ASIP: variants seen among roughly 807,000 people sequenced by gnomAD.
ASIP encodes agouti-signaling protein.
ASIP carries 11 observed loss-of-function variants against 10.3 expected under a neutral mutation model. The ratio of observed to expected loss-of-function variants is 1.07; its 90% CI spans 0.68 to 1.78. ASIP has a LOEUF of 1.78. ASIP is among the 40% of genes most tolerant of loss of function. The probability of loss-of-function intolerance (pLI) is 0.00; values close to 1 mark genes in which losing one functional copy is unlikely to be tolerated. For missense variants in ASIP, 180 were observed against 169.2 expected, an observed-to-expected ratio of 1.06 and a Z score of -0.35; for synonymous variants, 70 against 70.8, an observed-to-expected ratio of 0.99 and a Z score of 0.06.
At chr20:34,214,095 T>A in intron 1 of ASIP, 1 of 1,178,704 alleles carries the variant, frequency 8.5e-7, no homozygotes, top group African/African-American at 1.5e-5. Context: ...AATTTGATCA[T>A]CGCTGCTCAG....
chr20:34,258,193 G>A (rs1167321806), intron 1 of ASIP, among the ~76,000 whole-genome samples: 4 of 151,578 alleles, frequency 2.6e-5, no homozygotes, highest in Non-Finnish European at 4.4e-5. Flanking sequence ...GTGCTCCATC[G>A]GTTAGTAGAT....
upstream of ASIP, among the ~76,000 whole-genome samples, chr20:34,240,565 G>T (rs2035271010): frequency 6.6e-6 from 1 of 152,144 alleles, no homozygotes; most frequent in Non-Finnish European, 1.5e-5. Context: ...GCAAAAAAAG[G>T]TCCCAAAGAG....
At chr20:34,211,641 C>G (rs1350178551) in intron 1 of ASIP, among the ~76,000 whole-genome samples, 1 of 152,054 alleles carries the variant, frequency 6.6e-6, no homozygotes, top group Admixed American at 6.6e-5. Context: ...TTATTTCCAC[C>G]TTCATTTACG....
intron 3 of ASIP, among the ~76,000 whole-genome samples, chr20:34,267,568 G>C (rs557237959): frequency 1.4e-5 from 2 of 147,958 alleles, no homozygotes; most frequent in East Asian, 4.0e-4. Flanking sequence ...TTTTGCTCTT[G>C]TTGCCCAGGC....
intron 1 of ASIP, among the ~76,000 whole-genome samples, chr20:34,257,456 G>T (rs2035593491): frequency 6.6e-6 from 1 of 152,042 alleles, no homozygotes; most frequent in Admixed American, 6.6e-5. Context: ...TTGAAAAATG[G>T]TCTTTTTAGC....
chr20:34,257,186 C>T (rs953407565), intron 1 of ASIP, among the ~76,000 whole-genome samples: 1 of 151,652 alleles, frequency 6.6e-6, no homozygotes, highest in Admixed American at 6.6e-5. Flanking sequence ...TGGGTTCAGG[C>T]GATTCTCCTG....
upstream of ASIP, among the ~76,000 whole-genome samples, chr20:34,193,811 T>C (rs115913212): frequency 6.6e-6 from 1 of 152,344 alleles, no homozygotes; most frequent in African/African-American, 2.4e-5. Flanking sequence ...AATGTGCATG[T>C]TACTCTGTTA....
chr20:34,261,085 A>C (rs2035681426), intron 2 of ASIP, among the ~76,000 whole-genome samples: 1 of 152,248 alleles, frequency 6.6e-6, no homozygotes, highest in Non-Finnish European at 1.5e-5. Flanking sequence ...AGAATTAAGT[A>C]ACTAGCACGG....
chr20:34,261,683 T>G (rs1281941366), intron 2 of ASIP, among the ~76,000 whole-genome samples: 1 of 151,734 alleles, frequency 6.6e-6, no homozygotes, highest in African/African-American at 2.4e-5. Flanking sequence ...ATGCCTATGG[T>G]TCCAGCTATT....
Position 34,247,457 on chromosome 20 carries a change from C to T in ASIP, c.-11+5968C>T, listed in dbSNP as rs140543449. 1.1e-3 allele frequency among the ~76,000 whole-genome samples: 172 copies of T among 151,532 alleles called. 1 individual carries two copies. The highest frequency in any genetic ancestry group is 2.2e-3 in the Non-Finnish European group (147 of 67,848). Reference sequence around the variant, plus strand: ...CTGGGATTACAGGCACATGCCACCACGCCCAGCTAATTTTTGTATTTTTGT... The same window carrying T: ...CTGGGATTACAGGCACATGCCACCATGCCCAGCTAATTTTTGTATTTTTGT... On this transcript the variant is annotated intron_variant, in intron 1 of 3. Transcript: ENST00000374954.
intron 1 of ASIP, among the ~76,000 whole-genome samples, chr20:34,219,978 T>A (rs1247780485): frequency 6.6e-6 from 1 of 151,912 alleles, no homozygotes; most frequent in Non-Finnish European, 1.5e-5. Flanking sequence ...TAGTCCCAGC[T>A]ACTAGGGAGG....
Position 34,262,818 on chromosome 20 carries a change from G to C in ASIP, c.161-14G>C, listed in dbSNP as rs1227432707. On this transcript the variant is annotated splice_polypyrimidine_tract_variant and intron_variant, in intron 2 of 3. Transcript: ENST00000374954. ...AGAAACATCTGACTTTGCTCCTTTTGTCTCTCTTTGAAGCGCTGAACAAGA... is the reference window on the plus strand; with the variant it reads ...AGAAACATCTGACTTTGCTCCTTTTCTCTCTCTTTGAAGCGCTGAACAAGA... 3 of 1,613,694 alleles carry C rather than the reference G, an allele frequency of 1.9e-6. No individual in the cohort carries two copies. In the Admixed American group the frequency reaches 5.0e-5, roughly 27 times the overall value.
rs368554245 is a variant in ASIP, at chr20:34,231,592, TCTGA to T, written c.-10-28769_-10-28766del. Among the ~76,000 whole-genome samples the T allele has an allele frequency of 1.8e-4, 27 of 152,312 alleles. No homozygotes were observed. In the East Asian group the frequency reaches 4.2e-3, roughly 24 times the overall value. ...GTTAAGAACAATGAAAATTCAATCCTCTGACTGGGAGAAATATATACAAATAACT... is the reference window on the plus strand; with the variant it reads ...GTTAAGAACAATGAAAATTCAATCCTCTGGGAGAAATATATACAAATAACT... On this transcript the variant is annotated intron_variant, in intron 1 of 3. Coordinates refer to the ASIP transcript ENST00000568305.
chr20:34,202,954 G>A (rs892512939), intron 1 of ASIP, among the ~76,000 whole-genome samples: 11 of 150,882 alleles, frequency 7.3e-5, no homozygotes, highest in Admixed American at 2.0e-4. Flanking sequence ...GACCACAGGC[G>A]CCCGCCACTA....
chr20:34,264,728 T>C (rs529590552), intron 3 of ASIP, among the ~76,000 whole-genome samples: 2 of 152,062 alleles, frequency 1.3e-5, no homozygotes, highest in Non-Finnish European at 2.9e-5. Context: ...TATATTTTCT[T>C]ATAATCGATC....
rs185397600 is a variant in ASIP, at chr20:34,248,078, C to T, written c.-11+6589C>T. The stretch of plus-strand genomic sequence containing the variant: ...AAAATTAGCCTGGCATGGTGATGGG[C>T]GCCTGTAATCCCAGCTACTCAGGAG... On this transcript the variant is annotated intron_variant, in intron 1 of 3. Coordinates refer to ENST00000374954, the MANE Select transcript of ASIP (RefSeq NM_001672.3). Among the ~76,000 whole-genome samples the T allele has an allele frequency of 3.0e-3, 454 of 152,108 alleles. 1 individual carries two copies. The highest frequency in any genetic ancestry group is 9.8e-3 in the African/African-American group (407 of 41,496).
At position 34,222,617 on chromosome 20, in the gene ASIP, C is replaced by T. The variant is rs373765378; in HGVS notation, c.-11+27857C>T. ...AACAAGCTCTAAGGTAATGGTAATG[C>T]AAAAGTTACTCCCTCTCCCTCTCCC... On this transcript the variant is annotated intron_variant, in intron 1 of 3. Transcript: ENST00000568305. Among the ~76,000 whole-genome samples the T allele has an allele frequency of 2.0e-5, 3 of 151,186 alleles. No homozygotes were observed. In the East Asian group the frequency reaches 5.8e-4, roughly 29 times the overall value.
chr20:34,215,990 T>G, intron 1 of ASIP: 1 of 725,776 alleles, frequency 1.4e-6, no homozygotes, highest in Non-Finnish European at 2.5e-6. Context: ...CCAGCCCGCC[T>G]CCCAGCCTGA....
At chr20:34,192,598 G>A (rs1461008213), upstream of ASIP, among the ~76,000 whole-genome samples, 1 of 151,282 alleles carries the variant, frequency 6.6e-6, no homozygotes, top group Admixed American at 6.6e-5. Flanking sequence ...GGGATTGGGA[G>A]TGTGGAGGAA....
Sources: gnomAD v4.1 joint callset for allele counts (sites outside exome capture counted in the v4.1 genomes callset) on GRCh38, gnomAD v4.1.1 for gene constraint, MANE v1.5 for transcripts, NCBI Gene and HGNC (gene_info 2026-07-23, HGNC 2026-07-21) for gene names.